The following KCNIP4 variants were observed in gnomAD, a reference collection of about 807,000 sequenced individuals.
KCNIP4 encodes the protein Kv channel-interacting protein 4.
Under a neutral mutation model 34.0 loss-of-function variants are expected in KCNIP4, and 12 were observed. The observed-to-expected ratio is 0.35, with a 90% CI of 0.23 to 0.57. The LOEUF is 0.57. Among genes scored for constraint, KCNIP4 ranks in the 20% least tolerant of loss-of-function variants. The pLI is 0.83. For synonymous variants in KCNIP4, 124 were observed against 102.2 expected (o/e 1.21, Z -1.29); for missense variants, 238 against 311.7 (o/e 0.76, Z 1.78).
intron 1 of KCNIP4, among the ~76,000 whole-genome samples, chr4:21,920,926 A>T (rs1728906690): frequency 6.6e-6 from 1 of 151,988 alleles, no homozygotes; most frequent in East Asian, 1.9e-4. Flanking sequence ...ACCTCGTGTT[A>T]ATCTTTTCAC....
intron 1 of KCNIP4, among the ~76,000 whole-genome samples, chr4:20,955,266 G>C (rs1040201343): frequency 1.3e-5 from 2 of 152,182 alleles, no homozygotes; most frequent in East Asian, 1.9e-4. Context: ...TGTGTCTACT[G>C]TCTGTAACTA....
chr4:21,080,924 G>C (rs929479555), intron 1 of KCNIP4, among the ~76,000 whole-genome samples: 1 of 151,868 alleles, frequency 6.6e-6, no homozygotes, highest in Non-Finnish European at 1.5e-5. Flanking sequence ...AACCCGAAGA[G>C]TAGCATGAAG....
chr4:21,017,882 C>A (rs1387895986), intron 1 of KCNIP4, among the ~76,000 whole-genome samples: 3 of 152,118 alleles, frequency 2.0e-5, no homozygotes, highest in African/African-American at 7.2e-5. Flanking sequence ...ATAATCGCCA[C>A]TCTGACTGGC....
chr4:21,321,547 G>T (rs911951728), intron 1 of KCNIP4, among the ~76,000 whole-genome samples: 3 of 151,910 alleles, frequency 2.0e-5, no homozygotes, highest in African/African-American at 7.3e-5. Flanking sequence ...TTGGCAAAAG[G>T]ATTAAGTGGG....
At chr4:21,763,048 A>G in intron 1 of KCNIP4, 1 of 1,288,862 alleles carries the variant, frequency 7.8e-7, no homozygotes, top group Non-Finnish European at 1.0e-6. Flanking sequence ...TTGAATGGAC[A>G]TATGCACAGT....
intron 1 of KCNIP4, among the ~76,000 whole-genome samples, chr4:21,691,522 C>T (rs1711630345): frequency 6.6e-6 from 1 of 152,018 alleles, no homozygotes; most frequent in African/African-American, 2.4e-5. Flanking sequence ...CTGCCAGAAA[C>T]AGAACTGATA....
At chr4:21,114,000 C>T (rs906301620) in intron 1 of KCNIP4, among the ~76,000 whole-genome samples, 42 of 152,266 alleles carry the variant, frequency 2.8e-4, no homozygotes, top group African/African-American at 1.0e-3. Context: ...TCATATGAAT[C>T]ATGCTTAAAA....
rs1577875791 is a variant in KCNIP4, at chr4:21,199,781, G to A, written c.62-317072C>T. Reference sequence around the variant, plus strand: ...GCACTACTCACAATAGCAAAGACTTGGAACCAACCCAAATGTCCATCAATG... The same window carrying A: ...GCACTACTCACAATAGCAAAGACTTAGAACCAACCCAAATGTCCATCAATG... On this transcript the variant is annotated intron_variant, in intron 1 of 8. Coordinates refer to ENST00000382152, the MANE Select transcript of KCNIP4 (RefSeq NM_025221.6). Among the ~76,000 whole-genome samples the A allele has an allele frequency of 4.4e-5, 4 of 91,736 alleles. No individual in the cohort carries two copies. The East Asian group carries it at 1.1e-3, about 25-fold the overall frequency. The allele number at this position is 91,736 out of a possible 152,430, so 60.2% of individuals were successfully genotyped here.
chr4:21,597,029 TG>T (rs1383028543), intron 1 of KCNIP4, among the ~76,000 whole-genome samples: 1 of 151,964 alleles, frequency 6.6e-6, no homozygotes, highest in East Asian at 1.9e-4. Flanking sequence ...GGGGTGGTGG[TG>T]GTGAATGTGA....
rs749925237 is a variant in KCNIP4, at chr4:20,850,582, G to C, written c.249C>G (p.Thr83=). ...TGTAAAGGATCTGAAGCTCTTTCTT[G>C]GTAAATTTGCTCTGGGCTTCCAGAA... is the stretch of plus-strand genomic sequence containing the variant. ...LELLEAQSKF[T]KKELQILYRG... The change falls in exon 3 of 9, where the codon ACC becomes ACG. Residue 83 remains threonine, a synonymous_variant. Transcript: ENST00000382152. 3.4e-5 allele frequency: 55 copies of C among 1,612,770 alleles called. No individual in the cohort carries two copies. Among genetic ancestry groups the C allele is most frequent in the Non-Finnish European group, 4.6e-5 (54 of 1,179,728 alleles).
chr4:21,117,650 C>A (rs1014194556), intron 1 of KCNIP4, among the ~76,000 whole-genome samples: 1 of 152,128 alleles, frequency 6.6e-6, no homozygotes, highest in African/African-American at 2.4e-5. Context: ...CCCTTTTTCA[C>A]GTGGACAGGG....
chr4:21,004,303 G>C (rs146264588), intron 1 of KCNIP4, among the ~76,000 whole-genome samples: 1 of 152,152 alleles, frequency 6.6e-6, no homozygotes, highest in Admixed American at 6.5e-5. Context: ...CTCAGTGCTC[G>C]ATTCAATGAG....
intron 1 of KCNIP4, among the ~76,000 whole-genome samples, chr4:21,586,290 G>A (rs552649748): frequency 4.6e-5 from 7 of 151,992 alleles, no homozygotes; most frequent in Non-Finnish European, 8.8e-5. Context: ...AAGAGGGATC[G>A]TAGATTTAAT....
chr4:21,700,212 T>C (rs111995608), intron 1 of KCNIP4, among the ~76,000 whole-genome samples: 4,019 of 152,280 alleles, frequency 0.026, 159 homozygotes, highest in African/African-American at 0.09. Context: ...CAACAGTATA[T>C]GCAGGTTCCC....
At chr4:20,738,618 G>T (rs542308461) in intron 5 of KCNIP4, among the ~76,000 whole-genome samples, 2 of 152,268 alleles carry the variant, frequency 1.3e-5, no homozygotes, top group East Asian at 3.9e-4. Flanking sequence ...CACTTTTGGG[G>T]AATCCCCCCA....
At position 21,276,227 on chromosome 4, in the gene KCNIP4, T is replaced by C. The variant is rs551369548; in HGVS notation, c.62-393518A>G. Among the ~76,000 whole-genome samples, 4 of 152,352 alleles carry C rather than the reference T, an allele frequency of 2.6e-5. No individual in the cohort carries two copies. The East Asian group carries it at 7.7e-4, about 29-fold the overall frequency. ...GTGAATGTGACCGTTTAAATTAAAA[T>C]GCAGTCACAACCCTGCTGACACCTT... On this transcript the variant is annotated intron_variant, in intron 1 of 8. Transcript: ENST00000382152.
chr4:21,915,493 T>A (rs1004772133), intron 1 of KCNIP4, among the ~76,000 whole-genome samples: 1 of 152,206 alleles, frequency 6.6e-6, no homozygotes, highest in Non-Finnish European at 1.5e-5. Flanking sequence ...GGTCATACAG[T>A]TAAGGAGCCA....
chr4:21,878,674 A>T (rs1560782495), intron 1 of KCNIP4, among the ~76,000 whole-genome samples: 1 of 152,194 alleles, frequency 6.6e-6, no homozygotes, highest in Non-Finnish European at 1.5e-5. Context: ...CAATTTCTAT[A>T]TTTAAATGAA....
At chr4:21,060,190 T>A (rs967773327) in intron 1 of KCNIP4, among the ~76,000 whole-genome samples, 12 of 152,172 alleles carry the variant, frequency 7.9e-5, no homozygotes, top group Non-Finnish European at 1.5e-4. Context: ...ATTGGCTAAA[T>A]GCATTCCCAG....
Sources: allele counts gnomAD v4.1 joint callset (sites outside exome capture counted in the v4.1 genomes callset), GRCh38; gene constraint gnomAD v4.1.1; transcripts MANE v1.5; gene names NCBI Gene and HGNC (gene_info 2026-07-23, HGNC 2026-07-21).